Variants in NAALADL2 observed in about 807,000 individuals in gnomAD.
The protein encoded by NAALADL2 is inactive N-acetylated-alpha-linked acidic dipeptidase-like protein 2.
A neutral mutation model predicts 87.2 loss-of-function variants in NAALADL2; 76 were observed. The observed-to-expected ratio is 0.87, with a 90% CI of 0.72 to 1.05. The LOEUF (loss-of-function observed/expected upper bound fraction) is 1.05. Ranked by LOEUF, NAALADL2 falls within the 50% of genes least tolerant of loss-of-function variation. NAALADL2 has a pLI of 0.00. For missense variants in NAALADL2, 1,089 were observed against 945.8 expected, an observed-to-expected ratio of 1.15 and a Z score of -1.99; for synonymous variants, 354 against 331.0, an observed-to-expected ratio of 1.07 and a Z score of -0.75.
chr3:174,599,267 A>G (rs1461640931), intron 2 of NAALADL2, among the ~76,000 whole-genome samples: 1 of 152,118 alleles, frequency 6.6e-6, no homozygotes, highest in Non-Finnish European at 1.5e-5. Context: ...GAGTGGCTAT[A>G]AGGTTGATAG....
chr3:174,995,589 G>T (rs1747329300), intron 1 of NAALADL2, among the ~76,000 whole-genome samples: 1 of 152,058 alleles, frequency 6.6e-6, no homozygotes, highest in Admixed American at 6.6e-5. Context: ...CCTCAATTAT[G>T]CTTCTCAGAA....
intron 13 of NAALADL2, among the ~76,000 whole-genome samples, chr3:175,800,359 A>G (rs1754006037): frequency 6.6e-6 from 1 of 152,180 alleles, no homozygotes; most frequent in Admixed American, 6.5e-5. Flanking sequence ...AATACAAACT[A>G]TAAACCTGAA....
chr3:175,488,436 G>T (rs1727615056), intron 9 of NAALADL2, among the ~76,000 whole-genome samples: 1 of 152,220 alleles, frequency 6.6e-6, no homozygotes, highest in South Asian at 2.1e-4. Flanking sequence ...CCATTTGTCT[G>T]GTGTGTAGGT....
chr3:174,754,674 G>A (rs1711777393), intron 3 of NAALADL2, among the ~76,000 whole-genome samples: 1 of 151,944 alleles, frequency 6.6e-6, no homozygotes, highest in African/African-American at 2.4e-5. Flanking sequence ...ATTTTGATTT[G>A]CTTGCTTAAC....
intron 5 of NAALADL2, among the ~76,000 whole-genome samples, chr3:175,417,989 A>C (rs922361447): frequency 1.3e-5 from 2 of 152,114 alleles, no homozygotes; most frequent in Admixed American, 1.3e-4. Context: ...TTATGGTGAA[A>C]GCAAGCAAAA....
chr3:175,344,954 C>A (rs746075424), intron 5 of NAALADL2, among the ~76,000 whole-genome samples: 1 of 151,862 alleles, frequency 6.6e-6, no homozygotes, highest in African/African-American at 2.4e-5. Flanking sequence ...GAAACTAGAA[C>A]AAAAACATGT....
At chr3:175,576,336 G>C (rs1466546824) in intron 10 of NAALADL2, 149 bp downstream of exon 10, 3 of 690,558 alleles carry the variant, frequency 4.3e-6, no homozygotes, top group South Asian at 2.1e-5. Context: ...TTTTTCAAAG[G>C]CTTTGTAATA....
At chr3:175,729,816 T>C (rs534232423) in intron 11 of NAALADL2, among the ~76,000 whole-genome samples, 1 of 151,906 alleles carries the variant, frequency 6.6e-6, no homozygotes, top group Non-Finnish European at 1.5e-5. Context: ...AGTTTTTTTT[T>C]CCCATGGTAA....
At position 175,626,479 on chromosome 3, in the gene NAALADL2, TCTC is replaced by T. The variant is rs979004725; in HGVS notation, c.1801-808_1801-806del. ...TGTAGTTCATAGTTGATGTCTCACT[TCTC>T]CTCATATTTACTCCTCACCTGATTT... On this transcript the variant is annotated intron_variant, in intron 10 of 13. Coordinates refer to ENST00000454872, the MANE Select transcript of NAALADL2 (RefSeq NM_207015.3). 1.2e-4 allele frequency among the ~76,000 whole-genome samples: 18 copies of T among 151,776 alleles called. No homozygotes were observed. The South Asian group carries it at 1.9e-3, about 16-fold the overall frequency.
chr3:174,609,996 C>T (rs1578306352), intron 2 of NAALADL2, among the ~76,000 whole-genome samples: 1 of 152,024 alleles, frequency 6.6e-6, no homozygotes, highest in East Asian at 1.9e-4. Flanking sequence ...ACAGAGCCCT[C>T]AGAAATAATG....
At chr3:175,195,700 AG>A (rs1738884871) in intron 2 of NAALADL2, among the ~76,000 whole-genome samples, 1 of 151,942 alleles carries the variant, frequency 6.6e-6, no homozygotes, top group Non-Finnish European at 1.5e-5. Flanking sequence ...ATCTATCAGA[AG>A]GACATTTATA....
intron 4 of NAALADL2, among the ~76,000 whole-genome samples, chr3:175,308,003 TAAA>T (rs1757922006): frequency 6.7e-6 from 1 of 149,354 alleles, no homozygotes; most frequent in Non-Finnish European, 1.5e-5. Context: ...CAGTAACTTG[TAAA>T]GATTCTACAA....
chr3:175,510,265 T>C (rs1730979013), intron 9 of NAALADL2, among the ~76,000 whole-genome samples: 1 of 152,074 alleles, frequency 6.6e-6, no homozygotes, highest in African/African-American at 2.4e-5. Flanking sequence ...ACTGCCCCCA[T>C]GATTCAATTA....
chr3:175,669,316 A>T (rs1289227785), intron 11 of NAALADL2, among the ~76,000 whole-genome samples: 2 of 151,966 alleles, frequency 1.3e-5, no homozygotes, highest in Non-Finnish European at 2.9e-5. Flanking sequence ...AGATCCAGAG[A>T]TGTGTTCCTT....
chr3:174,857,977 G>T (rs2109516607), upstream of NAALADL2, among the ~76,000 whole-genome samples: 1 of 151,586 alleles, frequency 6.6e-6, no homozygotes, highest in East Asian at 1.9e-4. Flanking sequence ...TTTTACATTA[G>T]TAAGCTAGCA....
intron 3 of NAALADL2, among the ~76,000 whole-genome samples, chr3:174,823,943 A>T (rs1721707578): frequency 6.6e-6 from 1 of 152,154 alleles, no homozygotes; most frequent in Non-Finnish European, 1.5e-5. Flanking sequence ...ATAAAATTGA[A>T]ATCTATATAT....
intron 5 of NAALADL2, among the ~76,000 whole-genome samples, chr3:175,349,819 C>T (rs1030101494): frequency 5.9e-5 from 9 of 152,026 alleles, no homozygotes; most frequent in African/African-American, 1.7e-4. Context: ...AAATCAAGGC[C>T]GATGACTGGA....
intron 2 of NAALADL2, among the ~76,000 whole-genome samples, chr3:175,203,744 A>G (rs866875665): frequency 4.6e-5 from 7 of 152,202 alleles, no homozygotes; most frequent in Non-Finnish European, 1.0e-4. Flanking sequence ...AACCTCATTA[A>G]TAAAAGAAAC....
chr3:175,680,866 G>A (rs1271487890), intron 11 of NAALADL2, among the ~76,000 whole-genome samples: 1 of 152,264 alleles, frequency 6.6e-6, no homozygotes, highest in South Asian at 2.1e-4. Context: ...TGTAATCCAA[G>A]CACTTTGGGA....
Sources: gnomAD v4.1 joint callset for allele counts (sites outside exome capture counted in the v4.1 genomes callset) on GRCh38, gnomAD v4.1.1 for gene constraint, MANE v1.5 for transcripts, NCBI Gene and HGNC (gene_info 2026-07-23, HGNC 2026-07-21) for gene names.